Variants in EVI5 observed in about 807,000 individuals in gnomAD.
EVI5 encodes the protein ecotropic viral integration site 5 protein homolog.
In EVI5, 73 loss-of-function variants were observed where a neutral mutation model predicts 112.0. The observed-to-expected ratio is 0.65, with a 90% CI of 0.54 to 0.79. The LOEUF is 0.79. Among genes scored for constraint, EVI5 ranks in the 30% least tolerant of loss-of-function variants. The pLI is 0.00. For missense variants in EVI5, 900 were observed against 968.8 expected, an observed-to-expected ratio of 0.93 and a Z score of 0.94; for synonymous variants, 305 against 319.9, an observed-to-expected ratio of 0.95 and a Z score of 0.50.
chr1:92,731,167 T>C (rs147980979), intron 2 of EVI5, among the ~76,000 whole-genome samples: 284 of 151,806 alleles, frequency 1.9e-3, no homozygotes, highest in African/African-American at 6.5e-3. Flanking sequence ...CTACTAAAAA[T>C]ACAAAAATTA....
chr1:92,592,815 T>C (rs1020709609), intron 18 of EVI5, among the ~76,000 whole-genome samples: 1 of 151,972 alleles, frequency 6.6e-6, no homozygotes, highest in Non-Finnish European at 1.5e-5. Flanking sequence ...AACTAGAAAA[T>C]CTAGAAGTAA....
At chr1:92,639,699 T>A (rs1214526493) in intron 13 of EVI5, among the ~76,000 whole-genome samples, 1 of 152,210 alleles carries the variant, frequency 6.6e-6, no homozygotes. Flanking sequence ...CTGCCCAAAG[T>A]AATTATAGAT....
At chr1:92,715,229 G>A (rs779315790) in intron 2 of EVI5, among the ~76,000 whole-genome samples, 8 of 151,952 alleles carry the variant, frequency 5.3e-5, no homozygotes, top group South Asian at 2.1e-4. Flanking sequence ...GGCTGGTATC[G>A]AACTCCTGAC....
chr1:92,667,747 C>T (rs1257703745), intron 10 of EVI5, among the ~76,000 whole-genome samples: 1 of 152,288 alleles, frequency 6.6e-6, no homozygotes, highest in Non-Finnish European at 1.5e-5. Flanking sequence ...TCCTGAGTAG[C>T]TGGACCTACA....
chr1:92,714,881 G>A lies in EVI5; in HGVS notation c.150-10137C>T, dbSNP rs192673860. On this transcript the variant is annotated intron_variant, in intron 2 of 19. Transcript: ENST00000684568. ...CCTGGGATTACAGGCATGAACCACTGCACCTAACCTTTACTTTTAACTAAA... is the reference window on the plus strand; with the variant it reads ...CCTGGGATTACAGGCATGAACCACTACACCTAACCTTTACTTTTAACTAAA... 6.4e-4 allele frequency among the ~76,000 whole-genome samples: 98 copies of A among 152,212 alleles called. 1 individual carries two copies. The highest frequency in any genetic ancestry group is 1.1e-3 in the Non-Finnish European group (76 of 68,008).
At chr1:92,548,062 C>A (rs552677126) in intron 19 of EVI5, among the ~76,000 whole-genome samples, 2 of 151,174 alleles carry the variant, frequency 1.3e-5, no homozygotes, top group Admixed American at 6.6e-5. Flanking sequence ...AATTTTAGAC[C>A]AATATCCCTG....
intron 1 of EVI5, among the ~76,000 whole-genome samples, chr1:92,776,193 T>C (rs1684113153): frequency 6.6e-6 from 1 of 151,100 alleles, no homozygotes; most frequent in African/African-American, 2.4e-5. Flanking sequence ...AAGGAAAAAA[T>C]CTATCTACTA....
intron 13 of EVI5, among the ~76,000 whole-genome samples, chr1:92,657,577 C>T (rs1460307746): frequency 6.6e-6 from 1 of 151,984 alleles, no homozygotes; most frequent in Non-Finnish European, 1.5e-5. Context: ...GCAGGAGGAT[C>T]ACTTGAACCT....
chr1:92,549,551 G>C (rs1666419886), intron 19 of EVI5, among the ~76,000 whole-genome samples: 1 of 151,850 alleles, frequency 6.6e-6, no homozygotes, highest in Non-Finnish European at 1.5e-5. Flanking sequence ...TACCATCAGA[G>C]TGAACAGGCA....
chr1:92,632,846 T>A (rs1310934478), intron 14 of EVI5, among the ~76,000 whole-genome samples: 3 of 152,200 alleles, frequency 2.0e-5, no homozygotes, highest in Non-Finnish European at 4.4e-5. Context: ...CTGCTTTGAA[T>A]GTGTCCCAGA....
chr1:92,514,481 A>G (rs1659565926), intron 19 of EVI5, among the ~76,000 whole-genome samples: 1 of 152,088 alleles, frequency 6.6e-6, no homozygotes, highest in Admixed American at 6.6e-5. Context: ...TTGAATAATA[A>G]CAACCGTCCT....
At chr1:92,779,902 G>A (rs1684643326) in intron 1 of EVI5, among the ~76,000 whole-genome samples, 2 of 152,086 alleles carry the variant, frequency 1.3e-5, no homozygotes, top group African/African-American at 4.8e-5. Context: ...TTTATGTAAG[G>A]TACAGTTGGA....
At chr1:92,767,998 T>C (rs1682884844) in intron 1 of EVI5, among the ~76,000 whole-genome samples, 1 of 150,826 alleles carries the variant, frequency 6.6e-6, no homozygotes, top group Admixed American at 6.7e-5. Flanking sequence ...GAGAATCACT[T>C]GAACCTCGGA....
chr1:92,565,520 T>C lies in EVI5; in HGVS notation c.2071-1783A>G, dbSNP rs193259866. Among the ~76,000 whole-genome samples the C allele has an allele frequency of 5.9e-5, 9 of 152,222 alleles. No homozygotes were observed. The East Asian group carries it at 1.5e-3, about 26-fold the overall frequency. The stretch of plus-strand genomic sequence containing the variant: ...AGAAATGGGTTGCTGTGAAAAGCAT[T>C]TGTCAATGTGGAGATTCCTCCCATA... On this transcript the variant is annotated intron_variant, in intron 18 of 19. Coordinates refer to ENST00000684568, the MANE Select transcript of EVI5 (RefSeq NM_001350197.2).
chr1:92,643,074 A>C (rs1455848698), intron 13 of EVI5, among the ~76,000 whole-genome samples: 1 of 152,154 alleles, frequency 6.6e-6, no homozygotes, highest in Non-Finnish European at 1.5e-5. Context: ...CAACATAAAC[A>C]CATTTGTTAT....
At chr1:92,545,156 T>C (rs1004168825) in intron 19 of EVI5, among the ~76,000 whole-genome samples, 2 of 152,232 alleles carry the variant, frequency 1.3e-5, no homozygotes, top group Admixed American at 1.3e-4. Flanking sequence ...TACTCTTTAA[T>C]TGACACTTAG....
chr1:92,539,193 T>C (rs1413049364), intron 19 of EVI5, among the ~76,000 whole-genome samples: 4 of 152,086 alleles, frequency 2.6e-5, no homozygotes, highest in Non-Finnish European at 4.4e-5. Flanking sequence ...ACAAGATAAT[T>C]GAGGGATGGA....
chr1:92,626,402 A>G (rs571862121), intron 14 of EVI5, among the ~76,000 whole-genome samples: 1 of 152,274 alleles, frequency 6.6e-6, no homozygotes, highest in Non-Finnish European at 1.5e-5. Flanking sequence ...GTATAGATAT[A>G]CCACATTTAA....
intron 14 of EVI5, among the ~76,000 whole-genome samples, chr1:92,626,679 C>T (rs1005348563): frequency 1.3e-5 from 2 of 152,098 alleles, no homozygotes; most frequent in African/African-American, 4.8e-5. Context: ...TTTGAGAACA[C>T]AGAAATCTAA....
Sources: allele counts gnomAD v4.1 joint callset (sites outside exome capture counted in the v4.1 genomes callset), GRCh38; gene constraint gnomAD v4.1.1; transcripts MANE v1.5; gene names NCBI Gene and HGNC (gene_info 2026-07-23, HGNC 2026-07-21).